Variants in CA9 observed in about 807,000 individuals in gnomAD.
The protein encoded by CA9 is carbonic anhydrase 9.
Under a neutral mutation model 51.8 loss-of-function variants are expected in CA9, and 43 were observed. The observed-to-expected ratio is 0.83, with a 90% confidence interval of 0.65 to 1.07. The LOEUF is 1.07. Among genes scored for constraint, CA9 ranks in the 50% least tolerant of loss-of-function variants. CA9 has a pLI of 0.00. For missense variants in CA9, 574 were observed against 581.4 expected (o/e 0.99, Z 0.13); for synonymous variants, 253 against 244.2 (o/e 1.04, Z -0.34).
Position 35,676,075 on chromosome 9 carries a change from C to T in CA9, c.616C>T (p.Leu206=), listed in dbSNP as rs1824415070. The stretch of plus-strand genomic sequence containing the variant: ...CTCTCCCTACGCAGTGCAACTGACC[C>T]TGCCTCCTGGGCTAGAGATGGCTCT... ...RNNGHSVQLT[L]PPGLEMALGP... Residue 206 remains leucine, a synonymous_variant, in exon 4 of 11, where the codon CTG becomes TTG. Coordinates refer to ENST00000378357, the MANE Select transcript of CA9 (RefSeq NM_001216.3). The T allele has an allele frequency of 1.2e-6, 2 of 1,613,246 alleles. No homozygotes were observed. The highest frequency in any genetic ancestry group is 1.7e-6 in the Non-Finnish European group (2 of 1,179,806).
intron 10 of CA9, 25 bp downstream of exon 10, chr9:35,680,859 G>A: frequency 3.1e-6 from 5 of 1,612,722 alleles, no homozygotes; most frequent in Non-Finnish European, 4.2e-6. Context: ...CTTTCTTCAG[G>A]CACAAGCTTC....
chr9:35,678,783 C>G (rs563553890), intron 6 of CA9, among the ~76,000 whole-genome samples: 1 of 149,964 alleles, frequency 6.7e-6, no homozygotes, highest in Admixed American at 6.7e-5. Context: ...ACCTTGTGAT[C>G]CACCAGCCTC....
intron 7 of CA9, 56 bp from the exon 8 acceptor site, chr9:35,679,798 A>G (rs1432226807): frequency 2.6e-6 from 4 of 1,522,036 alleles, no homozygotes; most frequent in Non-Finnish European, 3.5e-6. Flanking sequence ...CTGGCCTGGG[A>G]CCCTTGTTTC....
rs1171354874 is a variant in CA9 at position 35,681,150 on chromosome 9, T to G, written c.*125T>G. ...CAAGAAATTTTTTAAAATAAATATT[T>G]ATAATAAAATATGTGTTAGTCACCT... On this transcript the variant is annotated 3_prime_UTR_variant, in exon 11 of 11. Coordinates refer to ENST00000378357, the MANE Select transcript of CA9 (RefSeq NM_001216.3). The G allele has an allele frequency of 4.8e-5, 26 of 545,692 alleles. No homozygotes were observed. The highest frequency in any genetic ancestry group is 7.9e-5 in the Non-Finnish European group (26 of 327,968). The allele number at this position is 545,692 out of a possible 1,614,324, so 33.8% of individuals were successfully genotyped here.
At chr9:35,675,044 G>T (rs1271247732) in intron 1 of CA9, 1 of 152,956 alleles carries the variant, frequency 6.5e-6, no homozygotes, top group Admixed American at 6.5e-5. Context: ...AGGCTGGAGT[G>T]CAATGGCGCG....
intron 7 of CA9, 100 bp from the exon 8 acceptor site, chr9:35,679,754 C>T: frequency 8.9e-7 from 1 of 1,128,508 alleles, no homozygotes; most frequent in Non-Finnish European, 1.3e-6. Context: ...AATACAGGAG[C>T]TGGAGGGTGG....
At position 35,676,079 on chromosome 9, in the gene CA9, C is replaced by T. The variant is rs771400520; in HGVS notation, c.620C>T (p.Pro207Leu). 8.1e-6 allele frequency: 13 copies of T among 1,613,434 alleles called. No homozygotes were observed. In the South Asian group the frequency reaches 1.2e-4, roughly 15 times the overall value. Residue 207 changes from proline to leucine, a missense_variant, in exon 4 of 11, where the codon CCT becomes CTT. By Grantham distance (98) the Pro-to-Leu change is moderately conservative. Transcript: ENST00000378357. ...NNGHSVQLTL[P>L]PGLEMALGPG... ...CCCTACGCAGTGCAACTGACCCTGC[C>T]TCCTGGGCTAGAGATGGCTCTGGGT...
chr9:35,675,441 T>A, intron 1 of CA9, 97 bp from the exon 2 acceptor site: 1 of 1,375,130 alleles, frequency 7.3e-7, no homozygotes, highest in Non-Finnish European at 1.0e-6. Flanking sequence ...TTACCCGTAA[T>A]GCTCCTGTAA....
At chr9:35,674,636 T>A (rs1824382023) in intron 1 of CA9, 1 of 345,026 alleles carries the variant, frequency 2.9e-6, no homozygotes, top group South Asian at 7.5e-5. Context: ...GGATGAGAAC[T>A]GCAGATGAGA....
chr9:35,678,695 C>CTTTTTTTTTTTTTTTTTT (rs746454806), intron 6 of CA9, among the ~76,000 whole-genome samples: 3 of 129,876 alleles, frequency 2.3e-5, no homozygotes, highest in Non-Finnish European at 4.9e-5. Context: ...TTTTTCTTTT[C>CTTTTTTTTTTTTTTTTTT]TTTTCTTTTT....
chr9:35,675,646 T>C, intron 2 of CA9, 79 bp downstream of exon 2: 2 of 1,583,666 alleles, frequency 1.3e-6, no homozygotes, highest in African/African-American at 1.3e-5. Flanking sequence ...CCCTGAACAC[T>C]GGTCCCGGGC....
chr9:35,680,856 C>T lies in CA9; in HGVS notation c.1319+22C>T, dbSNP rs188672832. On this transcript the variant is annotated intron_variant, in intron 10 of 10. Transcript: ENST00000378357. ...ACAGGTATTACACTGACCCTTTCTT[C>T]AGGCACAAGCTTCCCCCACCCTTGT... 1.8e-3 allele frequency: 2,937 copies of T among 1,612,816 alleles called. 13 individuals carry two copies. Among genetic ancestry groups the T allele is most frequent in the Non-Finnish European group, 1.4e-3 (1,676 of 1,178,716 alleles).
At chr9:35,680,636 A>C in intron 9 of CA9, 117 bp from the exon 10 acceptor site, 1 of 782,144 alleles carries the variant, frequency 1.3e-6, no homozygotes, top group Non-Finnish European at 2.2e-6. Context: ...AGACTGAGGC[A>C]CTAGGGGCTG....
chr9:35,677,679 T>G, intron 5 of CA9, 111 bp from the exon 6 acceptor site: 1 of 795,708 alleles, frequency 1.3e-6, no homozygotes. Context: ...TCCCTCAGCA[T>G]TCTCAGAGCT....
rs1268995048 is a variant in CA9 at position 35,680,055 on chromosome 9, G to A, written c.1210+57G>A. The A allele has an allele frequency of 3.7e-6, 6 of 1,614,166 alleles. No homozygotes were observed. The Admixed American group carries it at 1.0e-4, about 27-fold the overall frequency. On this transcript the variant is annotated intron_variant, in intron 8 of 10. Transcript: ENST00000378357. ...TAGTCCCTTATCCTCCCATGTGTGT[G>A]CCAGTGTCTGTCATTGGTGGTCACA...
intron 9 of CA9, 150 bp downstream of exon 9, chr9:35,680,289 TCCC>T (rs1824514406): frequency 1.2e-6 from 1 of 848,712 alleles, no homozygotes. Context: ...TGGTGGGGAT[TCCC>T]CCATTGTCCC....
chr9:35,680,839 T>G lies in CA9; in HGVS notation c.1319+5T>G. 6.2e-7 allele frequency: 1 copy of G among 1,614,082 alleles called. No homozygotes were observed. The highest frequency in any genetic ancestry group is 8.5e-7 in the Non-Finnish European group (1 of 1,179,920). On this transcript the variant is annotated splice_donor_5th_base_variant and intron_variant, in intron 10 of 10. Transcript: ENST00000378357. ...GCAGATGAGAAGGCAGCACAGGTATTACACTGACCCTTTCTTCAGGCACAA... is the reference window on the plus strand; with the variant it reads ...GCAGATGAGAAGGCAGCACAGGTATGACACTGACCCTTTCTTCAGGCACAA...
At chr9:35,676,439 C>T (rs1256890274) in intron 5 of CA9, 50 bp downstream of exon 5, 7 of 1,441,736 alleles carry the variant, frequency 4.9e-6, no homozygotes, top group Admixed American at 1.8e-5. Context: ...TCCCATGCTC[C>T]TCCCGGACTC....
At chr9:35,678,794 G>A (rs542959605) in intron 6 of CA9, among the ~76,000 whole-genome samples, 6 of 149,540 alleles carry the variant, frequency 4.0e-5, no homozygotes, top group Admixed American at 6.7e-5. Flanking sequence ...CACCAGCCTC[G>A]GCCTCCCAAA....
Sources: allele counts gnomAD v4.1 joint callset (sites outside exome capture counted in the v4.1 genomes callset), GRCh38; gene constraint gnomAD v4.1.1; transcripts MANE v1.5; gene names NCBI Gene and HGNC (gene_info 2026-07-23, HGNC 2026-07-21).